Variants in SBF2 observed in about 807,000 individuals in gnomAD.
SBF2 encodes SET binding factor 2, also known as myotubularin-related protein 13.
SBF2 carries 112 observed loss-of-function variants against 225.2 expected under a neutral mutation model. That is an observed-to-expected ratio of 0.50 (90% CI 0.43 to 0.58). SBF2 has a LOEUF of 0.58. Among genes scored for constraint, SBF2 ranks in the 20% least tolerant of loss-of-function variants. The pLI, the probability that SBF2 is intolerant of heterozygous loss-of-function variation, is 0.00. For missense variants in SBF2, 1,996 were observed against 2,206.2 expected (o/e 0.90, Z 1.91); for synonymous variants, 763 against 773.3 (o/e 0.99, Z 0.22).
In SBF2 at chr11:9,778,883, C is replaced by T. The variant is rs948889083; in HGVS notation, c.*1535G>A. 2.6e-5 allele frequency: 4 copies of T among 152,634 alleles called. No homozygotes were observed. The highest frequency in any genetic ancestry group is 4.4e-5 in the Non-Finnish European group (3 of 68,048). The allele number at this position is 152,634 out of a possible 1,614,324, so 9.5% of individuals were successfully genotyped here. A position where few individuals can be genotyped will look rare whatever the true frequency, so the allele number is the denominator to read the frequency against. The stretch of plus-strand genomic sequence containing the variant: ...AAGTAATCCAGTTACAAAAGAAGCA[C>T]TGTGTATAGTCTCAAATAGCTGAAG... On this transcript the variant is annotated 3_prime_UTR_variant, in exon 40 of 40. Transcript: ENST00000256190.
rs979447778 is a variant in SBF2 at position 9,780,282 on chromosome 11, G to A, written c.*136C>T. ...AGGTTAAGTAGATATAGCAACCCCT[G>A]CAAGAGGGGACTGGGCAGGAGAACC... On this transcript the variant is annotated 3_prime_UTR_variant, in exon 40 of 40. Coordinates refer to ENST00000256190, the MANE Select transcript of SBF2 (RefSeq NM_030962.4). 3.9e-6 allele frequency: 3 copies of A among 762,412 alleles called. No homozygotes were observed. The highest frequency in any genetic ancestry group is 3.5e-4 in the Middle Eastern group (1 of 2,880). The allele number at this position is 762,412 out of a possible 1,614,324, so 47.2% of individuals were successfully genotyped here. A position where few individuals can be genotyped will look rare whatever the true frequency, so the allele number is the denominator to read the frequency against.
At chr11:10,037,636 TA>T (rs200090705) in intron 3 of SBF2, among the ~76,000 whole-genome samples, 26,599 of 147,548 alleles carry the variant, frequency 0.18, 2,462 homozygotes, top group East Asian at 0.26. Flanking sequence ...CAACTTTTGT[TA>T]AAAAAAAAAA....
At chr11:10,253,546 A>G (rs940256859) in intron 1 of SBF2, among the ~76,000 whole-genome samples, 1 of 152,194 alleles carries the variant, frequency 6.6e-6, no homozygotes, top group Non-Finnish European at 1.5e-5. Flanking sequence ...AAGAATCTCT[A>G]AATCACAGAC....
intron 2 of SBF2, among the ~76,000 whole-genome samples, chr11:10,046,956 A>G (rs10770083): frequency 0.46 from 69,001 of 150,432 alleles, 16,236 homozygotes; most frequent in Admixed American, 0.56. Context: ...TTAATATACA[A>G]AAATCAACCA....
At chr11:9,925,341 G>A (rs969160141) in intron 16 of SBF2, among the ~76,000 whole-genome samples, 5 of 152,034 alleles carry the variant, frequency 3.3e-5, no homozygotes, top group Non-Finnish European at 7.4e-5. Flanking sequence ...AATGGTGCGT[G>A]ATCTTGGCTC....
intron 1 of SBF2, among the ~76,000 whole-genome samples, chr11:10,293,748 A>AC (rs1009222704): frequency 6.6e-6 from 1 of 152,016 alleles, no homozygotes; most frequent in African/African-American, 2.4e-5. Flanking sequence ...GGGTCGCGAG[A>AC]CCCCAACTCG....
chr11:9,889,425 G>A (rs1860613380), intron 17 of SBF2, among the ~76,000 whole-genome samples: 1 of 152,090 alleles, frequency 6.6e-6, no homozygotes, highest in Non-Finnish European at 1.5e-5. Flanking sequence ...GGGTCTTTAC[G>A]TAGAATGTAT....
intron 17 of SBF2, among the ~76,000 whole-genome samples, chr11:9,873,233 T>C (rs1210371078): frequency 7.4e-6 from 1 of 135,438 alleles, no homozygotes; most frequent in African/African-American, 2.7e-5. Context: ...AAAAAAAAAG[T>C]TACTAAAAAA....
chr11:10,225,631 T>A (rs1307750700), intron 1 of SBF2, among the ~76,000 whole-genome samples: 1 of 152,146 alleles, frequency 6.6e-6, no homozygotes, highest in African/African-American at 2.4e-5. Flanking sequence ...AAAAAAGTGC[T>A]GGGTTTTTTG....
chr11:10,253,787 C>A (rs539419396), intron 1 of SBF2, among the ~76,000 whole-genome samples: 32 of 152,012 alleles, frequency 2.1e-4, no homozygotes, highest in Admixed American at 1.3e-3. Flanking sequence ...AACAAAAAGG[C>A]CTTCTTTGTT....
intron 2 of SBF2, among the ~76,000 whole-genome samples, chr11:10,069,579 C>T (rs544660605): frequency 1.6e-4 from 24 of 152,218 alleles, no homozygotes; most frequent in African/African-American, 5.3e-4. Context: ...TTTGGGTTGG[C>T]TCCAAGACTT....
chr11:10,180,583 A>G (rs1005648046), intron 2 of SBF2, among the ~76,000 whole-genome samples: 5 of 152,240 alleles, frequency 3.3e-5, no homozygotes, highest in Admixed American at 2.0e-4. Context: ...GCTGTTCTAT[A>G]ACCTTCTTGT....
chr11:9,796,081 A>T, intron 32 of SBF2, 124 bp from the exon 33 acceptor site: 1 of 939,982 alleles, frequency 1.1e-6, no homozygotes, highest in Admixed American at 2.0e-5. Flanking sequence ...CAAATACCTG[A>T]ATCCCTACCA....
intron 1 of SBF2, chr11:10,272,113 C>A: frequency 8.8e-7 from 1 of 1,139,284 alleles, no homozygotes; most frequent in Non-Finnish European, 1.2e-6. Flanking sequence ...GAACACCCAC[C>A]AGCAGGGCAT....
In SBF2 at chr11:10,002,639, C is replaced by T. The variant is rs1209039793; in HGVS notation, c.670G>A (p.Val224Ile). 1.2e-6 allele frequency: 2 copies of T among 1,612,818 alleles called. No homozygotes were observed. The highest frequency in any genetic ancestry group is 1.7e-6 in the Non-Finnish European group (2 of 1,179,054). ...LFCAVLTENK[V>I]LFHSASFQRL... The stretch of plus-strand genomic sequence containing the variant: ...TGGAAACTTGCAGAATGGAAGAGAA[C>T]CTTATTTTCTGTGAGGACTGCACAA... Residue 224 changes from valine (V) to isoleucine (I), a missense_variant, in exon 7 of 40, where the codon GTT (valine) becomes ATT (isoleucine). Physicochemically the swap from Val to Ile is conservative, Grantham distance 29 (BLOSUM62 3). Transcript: ENST00000256190.
chr11:10,056,991 C>T (rs1292631775), intron 2 of SBF2, among the ~76,000 whole-genome samples: 1 of 152,126 alleles, frequency 6.6e-6, no homozygotes, highest in Non-Finnish European at 1.5e-5. Flanking sequence ...AAAGGGTCTC[C>T]AGCAACTTCC....
At position 10,152,647 on chromosome 11, in the gene SBF2, A is replaced by G. The variant is rs571218755; in HGVS notation, c.141+41255T>C. Among the ~76,000 whole-genome samples, 14 of 152,330 alleles carry G rather than the reference A, an allele frequency of 9.2e-5. No homozygotes were observed. In the East Asian group the frequency reaches 2.7e-3, roughly 29 times the overall value. On this transcript the variant is annotated intron_variant, in intron 2 of 39. Coordinates refer to ENST00000256190, the MANE Select transcript of SBF2 (RefSeq NM_030962.4). Reference sequence around the variant, plus strand: ...AGTGAATGCCTACTGTATTTCAGGTATTAAAAGATTAGTAGAAAAAATGAC... The same window carrying G: ...AGTGAATGCCTACTGTATTTCAGGTGTTAAAAGATTAGTAGAAAAAATGAC...
chr11:10,269,097 A>G (rs759914973), intron 1 of SBF2, among the ~76,000 whole-genome samples: 1 of 152,210 alleles, frequency 6.6e-6, no homozygotes, highest in Non-Finnish European at 1.5e-5. Flanking sequence ...TCTGCAAGGC[A>G]TTTTAGCAAT....
intron 18 of SBF2, 92 bp downstream of exon 18, chr11:9,858,134 T>C (rs1039113402): frequency 1.4e-6 from 2 of 1,396,774 alleles, no homozygotes; most frequent in South Asian, 2.3e-5. Flanking sequence ...TGGCAGGAAG[T>C]AGCTAGAGTT....
Sources: gnomAD v4.1 joint callset for allele counts (sites outside exome capture counted in the v4.1 genomes callset) on GRCh38, gnomAD v4.1.1 for gene constraint, MANE v1.5 for transcripts, NCBI Gene and HGNC (gene_info 2026-07-23, HGNC 2026-07-21) for gene names.